Variants in ACTR3 observed in about 807,000 individuals in gnomAD.
ACTR3 encodes actin related protein 3.
In ACTR3, 12 loss-of-function variants were observed where a neutral mutation model predicts 56.8. That is an observed-to-expected ratio of 0.21 (90% CI 0.14 to 0.34). The LOEUF (loss-of-function observed/expected upper bound fraction) is 0.34. Ranked by LOEUF, ACTR3 falls within the 10% of genes least tolerant of loss-of-function variation. The probability of loss-of-function intolerance (pLI) is 1.00; values close to 1 mark genes in which losing one functional copy is unlikely to be tolerated. For synonymous variants in ACTR3, 162 were observed against 167.4 expected (o/e 0.97, Z 0.25); for missense variants, 282 against 512.5 (o/e 0.55, Z 4.34).
chr2:113,916,991 C>G lies in ACTR3; in HGVS notation c.208C>G (p.Pro70Ala). Reference protein sequence around the residue: ...FFIGDEAIEKPTYATKWPIRH... With the variant: ...FFIGDEAIEKATYATKWPIRH... ...CATTGGTGATGAAGCAATAGAAAAA[C>G]CTACATATGCAACAAAGGTATGTTT... Residue 70 changes from proline (P) to alanine (A), a missense_variant, in exon 3 of 12, where the codon CCT (proline) becomes GCT (alanine). Coordinates refer to ENST00000263238, the MANE Select transcript of ACTR3 (RefSeq NM_005721.5). The G allele has an allele frequency of 6.2e-7, 1 of 1,601,648 alleles. No individual in the cohort carries two copies. Among genetic ancestry groups the G allele is most frequent in the Non-Finnish European group, 8.5e-7 (1 of 1,174,766 alleles).
intron 5 of ACTR3, among the ~76,000 whole-genome samples, chr2:113,931,944 TTA>T (rs113561901): frequency 6.6e-6 from 1 of 152,096 alleles, no homozygotes; most frequent in African/African-American, 2.4e-5. Flanking sequence ...CACAAATGCT[TTA>T]TATGTGTATT....
intron 8 of ACTR3, among the ~76,000 whole-genome samples, chr2:113,942,685 A>G (rs949412483): frequency 6.6e-6 from 1 of 151,988 alleles, no homozygotes; most frequent in Admixed American, 6.5e-5. Context: ...TGTAATTGAA[A>G]TAAAATATTT....
intron 7 of ACTR3, among the ~76,000 whole-genome samples, chr2:113,941,826 G>A (rs1207765488): frequency 6.6e-6 from 1 of 151,918 alleles, no homozygotes; most frequent in Non-Finnish European, 1.5e-5. Context: ...CTTCAGTTCT[G>A]TATTTTATTT....
chr2:113,900,438 C>T (rs1159785314), intron 1 of ACTR3, among the ~76,000 whole-genome samples: 4 of 151,998 alleles, frequency 2.6e-5, no homozygotes, highest in African/African-American at 7.3e-5. Context: ...CTGCTGTAGT[C>T]GTTGTCTTCA....
chr2:113,937,210 T>A (rs1336533497), intron 6 of ACTR3, among the ~76,000 whole-genome samples: 1 of 152,136 alleles, frequency 6.6e-6, no homozygotes, highest in East Asian at 1.9e-4. Context: ...TTTAAGCGAT[T>A]CTTGTGTCTC....
rs554191701 is a variant in ACTR3, at chr2:113,959,142, T to C, written c.*1687T>C. ...AAGAGTAGATTAGCAAAAGTAAGTT[T>C]TTTTCCCTAGCCTGTCTCATTTTTC... On this transcript the variant is annotated 3_prime_UTR_variant, in exon 12 of 12. Transcript: ENST00000263238. 1 of 152,120 alleles carries C rather than the reference T, an allele frequency of 6.6e-6. No individual in the cohort carries two copies. Among genetic ancestry groups the C allele is most frequent in the South Asian group, 2.1e-4 (1 of 4,830 alleles). 9.4% of individuals were successfully genotyped at this position (152,120 alleles called of 1,614,324 possible). A position where few individuals can be genotyped will look rare whatever the true frequency, so the allele number is the denominator to read the frequency against.
At chr2:113,936,805 G>A (rs933210534) in intron 6 of ACTR3, among the ~76,000 whole-genome samples, 8 of 152,112 alleles carry the variant, frequency 5.3e-5, no homozygotes, top group African/African-American at 1.9e-4. Context: ...TAGGTATCAG[G>A]ATTTTGGCAG....
At chr2:113,945,658 C>CT (rs1239014300) in intron 8 of ACTR3, among the ~76,000 whole-genome samples, 2 of 151,558 alleles carry the variant, frequency 1.3e-5, no homozygotes, top group East Asian at 3.9e-4. Context: ...TTTTTTTTAA[C>CT]TTTAAGTTCA....
intron 1 of ACTR3, among the ~76,000 whole-genome samples, chr2:113,891,624 T>C (rs899288347): frequency 6.6e-6 from 1 of 151,552 alleles, no homozygotes; most frequent in Non-Finnish European, 1.5e-5. Flanking sequence ...GCTTTTTTTT[T>C]TATTATTAAT....
chr2:113,952,775 C>T (rs1443495678), intron 10 of ACTR3: 1 of 152,152 alleles, frequency 6.6e-6, no homozygotes, highest in Non-Finnish European at 1.5e-5. Flanking sequence ...CTTCACACTT[C>T]AGGAAGTCTA....
At chr2:113,914,917 A>G (rs908905396) in intron 2 of ACTR3, among the ~76,000 whole-genome samples, 1 of 152,232 alleles carries the variant, frequency 6.6e-6, no homozygotes, top group African/African-American at 2.4e-5. Flanking sequence ...TTATTCATGC[A>G]TGTTTGTTAT....
intron 4 of ACTR3, among the ~76,000 whole-genome samples, chr2:113,928,598 C>T (rs1310804954): frequency 6.6e-6 from 1 of 152,106 alleles, no homozygotes; most frequent in Non-Finnish European, 1.5e-5. Flanking sequence ...TTAATGAGAA[C>T]TTTTTATACA....
intron 1 of ACTR3, among the ~76,000 whole-genome samples, chr2:113,907,294 C>T (rs950518844): frequency 1.4e-4 from 22 of 152,068 alleles, no homozygotes; most frequent in Admixed American, 1.4e-3. Context: ...TTTTTAAAGA[C>T]GGGGTCTTGC....
Position 113,939,321 on chromosome 2 carries a change from C to T in ACTR3, c.541-638C>T, listed in dbSNP as rs189875354. Reference sequence around the variant, plus strand: ...ACAGGCGTGAGCCACCGCGCCCGGCCGAAAACCTTTATTTCTTATAAATTG... The same window carrying T: ...ACAGGCGTGAGCCACCGCGCCCGGCTGAAAACCTTTATTTCTTATAAATTG... On this transcript the variant is annotated intron_variant, in intron 6 of 11. Coordinates refer to ENST00000263238, the MANE Select transcript of ACTR3 (RefSeq NM_005721.5). Among the ~76,000 whole-genome samples, 72 of 152,250 alleles carry T rather than the reference C, an allele frequency of 4.7e-4. 2 individuals carry two copies. In the East Asian group the frequency reaches 0.011, roughly 23 times the overall value.
chr2:113,936,427 T>C (rs532015581), intron 6 of ACTR3, among the ~76,000 whole-genome samples: 8 of 152,328 alleles, frequency 5.3e-5, no homozygotes, highest in South Asian at 4.1e-4. Flanking sequence ...TATTGACTTA[T>C]TAGCTATGCT....
intron 1 of ACTR3, chr2:113,890,769 A>T (rs2104574500): frequency 9.8e-7 from 1 of 1,020,476 alleles, no homozygotes; most frequent in Non-Finnish European, 1.2e-6. Flanking sequence ...AGAAAAGAGA[A>T]GCGCTCCTGG....
At chr2:113,914,639 A>G (rs1443055439) in intron 2 of ACTR3, among the ~76,000 whole-genome samples, 1 of 151,270 alleles carries the variant, frequency 6.6e-6, no homozygotes, top group African/African-American at 2.4e-5. Flanking sequence ...AAAAAGAAAG[A>G]AAAAGAAAAG....
chr2:113,932,471 T>C (rs1052028414), intron 5 of ACTR3, among the ~76,000 whole-genome samples: 1 of 152,170 alleles, frequency 6.6e-6, no homozygotes, highest in Admixed American at 6.5e-5. Flanking sequence ...ACTGGCATCA[T>C]GAGCTTTGTT....
At chr2:113,895,059 T>TCCCCCCC (rs61667793) in intron 1 of ACTR3, among the ~76,000 whole-genome samples, 255 of 111,308 alleles carry the variant, frequency 2.3e-3, no homozygotes, top group Middle Eastern at 4.3e-3. Flanking sequence ...TGGTTTAGGT[T>TCCCCCCC]CCCCCCCCCC....
Sources: gnomAD v4.1 joint callset for allele counts (sites outside exome capture counted in the v4.1 genomes callset) on GRCh38, gnomAD v4.1.1 for gene constraint, MANE v1.5 for transcripts, NCBI Gene and HGNC (gene_info 2026-07-23, HGNC 2026-07-21) for gene names.